The following FRMPD4 variants were observed in gnomAD, a reference collection of about 807,000 sequenced individuals.
FRMPD4 encodes the protein FERM and PDZ domain-containing protein 4.
FRMPD4 carries 22 observed loss-of-function variants against 94.1 expected under a neutral mutation model. The observed-to-expected ratio is 0.23, with a 90% confidence interval of 0.17 to 0.33. The LOEUF (loss-of-function observed/expected upper bound fraction) is 0.33, where lower values mean the gene tolerates loss of function less well. FRMPD4 is among the 10% of genes least tolerant of loss of function. The pLI, the probability that FRMPD4 is intolerant of heterozygous loss-of-function variation, is 1.00. For missense variants in FRMPD4, 1,111 were observed against 1,339.9 expected (o/e 0.83, Z 2.67); for synonymous variants, 631 against 548.6 (o/e 1.15, Z -2.10).
At chrX:12,656,190 A>C (rs2148480595) in intron 4 of FRMPD4, among the ~76,000 whole-genome samples, 1 of 112,143 alleles carries the variant, frequency 8.9e-6, no homozygotes, top group African/African-American at 3.2e-5. Flanking sequence ...TCAGACACTA[A>C]GAAGAGTAAA....
chrX:12,191,642 G>A (rs4830765), intron 1 of FRMPD4, among the ~76,000 whole-genome samples: 21,823 of 106,623 alleles, frequency 0.2, 1,924 homozygotes, highest in East Asian at 0.69. Context: ...GCCAATGTGA[G>A]AAGGCTATAA....
chrX:12,488,680 A>G (rs1320421419), intron 1 of FRMPD4, among the ~76,000 whole-genome samples: 1 of 111,167 alleles, frequency 9.0e-6, no homozygotes, highest in African/African-American at 3.3e-5. Context: ...GTGAAAAAAA[A>G]GTTTTGCACA....
intron 3 of FRMPD4, among the ~76,000 whole-genome samples, chrX:11,986,609 G>T (rs6639117): frequency 0.066 from 7,287 of 110,833 alleles, 262 homozygotes; most frequent in East Asian, 0.24. Context: ...TGAAGAAAAC[G>T]ATATAAAAGA....
intron 3 of FRMPD4, among the ~76,000 whole-genome samples, chrX:11,912,568 A>G (rs1025342747): frequency 6.3e-5 from 7 of 111,717 alleles, no homozygotes; most frequent in Admixed American, 5.7e-4. Context: ...TCAACCTATG[A>G]AGGAAAAAAA....
At chrX:12,635,569 T>A (rs1419752330) in intron 4 of FRMPD4, among the ~76,000 whole-genome samples, 1 of 111,153 alleles carries the variant, frequency 9.0e-6, no homozygotes, top group Non-Finnish European at 1.9e-5. Flanking sequence ...TCTAAATGAA[T>A]CACTGCTACC....
chrX:12,377,344 G>A (rs1387620962), intron 1 of FRMPD4, among the ~76,000 whole-genome samples: 1 of 112,298 alleles, frequency 8.9e-6, no homozygotes, highest in Admixed American at 9.4e-5. Context: ...CCGGTAACAG[G>A]TAATCAGATG....
At chrX:12,276,597 T>G (rs950089442) in intron 1 of FRMPD4, among the ~76,000 whole-genome samples, 1 of 111,277 alleles carries the variant, frequency 9.0e-6, no homozygotes, top group African/African-American at 3.3e-5. Flanking sequence ...TCAGAGAAAA[T>G]AGATTATAAA....
Position 11,836,167 on chromosome X carries a change from A to G in FRMPD4, c.-161+13452A>G, listed in dbSNP as rs191809981. On this transcript the variant is annotated intron_variant, in intron 1 of 18. Coordinates refer to the FRMPD4 transcript ENST00000640291. ...ATCTTTTCCTCTTGGTGATTGCTGTAATAAGCTATAACCATGAATACAACT... is the reference window on the plus strand; with the variant it reads ...ATCTTTTCCTCTTGGTGATTGCTGTGATAAGCTATAACCATGAATACAACT... Among the ~76,000 whole-genome samples the G allele has an allele frequency of 2.4e-3, 270 of 111,596 alleles. 2 individuals are homozygous for G. Among genetic ancestry groups the G allele is most frequent in the African/African-American group, 8.5e-3 (261 of 30,734 alleles).
At chrX:11,899,751 G>T (rs879025422) in intron 3 of FRMPD4, among the ~76,000 whole-genome samples, 1 of 111,721 alleles carries the variant, frequency 9.0e-6, no homozygotes, top group Non-Finnish European at 1.9e-5. Context: ...CATCAGTCTA[G>T]CATCATACTT....
intron 1 of FRMPD4, among the ~76,000 whole-genome samples, chrX:11,850,654 A>T (rs1354178774): frequency 1.8e-5 from 2 of 112,380 alleles, no homozygotes; most frequent in Non-Finnish European, 3.8e-5. Context: ...ATGATACAAC[A>T]TGGATAAACT....
intron 3 of FRMPD4, among the ~76,000 whole-genome samples, chrX:11,950,224 C>T (rs1220819539): frequency 8.9e-6 from 1 of 112,080 alleles, no homozygotes; most frequent in Non-Finnish European, 1.9e-5. Context: ...AAGGTGCCTG[C>T]TTCTCCTTTG....
intron 1 of FRMPD4, among the ~76,000 whole-genome samples, chrX:11,856,685 T>C (rs972981539): frequency 5.4e-5 from 6 of 111,962 alleles, no homozygotes; most frequent in Non-Finnish European, 1.1e-4. Context: ...CTATTCAGCA[T>C]AGTATTGAAA....
chrX:12,326,030 A>G (rs1375222228), intron 1 of FRMPD4, among the ~76,000 whole-genome samples: 1 of 112,037 alleles, frequency 8.9e-6, no homozygotes, highest in Admixed American at 9.4e-5. Flanking sequence ...GTCTTCTCAG[A>G]TGGTCTGTTT....
chrX:12,627,698 C>G (rs897020668), intron 4 of FRMPD4, among the ~76,000 whole-genome samples: 1 of 112,146 alleles, frequency 8.9e-6, no homozygotes, highest in Non-Finnish European at 1.9e-5. Context: ...GACCATGTCC[C>G]ACTTACTTAT....
chrX:12,181,391 A>C (rs1330137214), intron 1 of FRMPD4, among the ~76,000 whole-genome samples: 2 of 112,418 alleles, frequency 1.8e-5, no homozygotes, highest in Non-Finnish European at 3.8e-5. Flanking sequence ...AGGGTTTTAG[A>C]AAAAAGATGG....
intron 2 of FRMPD4, among the ~76,000 whole-genome samples, chrX:12,607,105 C>T (rs1167948498): frequency 2.7e-5 from 3 of 111,287 alleles, no homozygotes; most frequent in African/African-American, 9.8e-5. Context: ...TTAGTGCCTC[C>T]CAGCCTGGGG....
chrX:11,869,642 T>A (rs1470541241), intron 2 of FRMPD4, among the ~76,000 whole-genome samples: 1 of 111,696 alleles, frequency 9.0e-6, no homozygotes, highest in Non-Finnish European at 1.9e-5. Flanking sequence ...AAATATAACA[T>A]TAAAATCACG....
chrX:11,989,967 C>T (rs1274036184), intron 3 of FRMPD4, among the ~76,000 whole-genome samples: 5 of 110,919 alleles, frequency 4.5e-5, no homozygotes, highest in African/African-American at 9.8e-5. Context: ...GGTATGTACC[C>T]GAAAAAACTA....
chrX:12,481,049 T>C (rs951855816), intron 1 of FRMPD4, among the ~76,000 whole-genome samples: 4 of 111,436 alleles, frequency 3.6e-5, no homozygotes, highest in Non-Finnish European at 7.5e-5. Flanking sequence ...ACCCAATACC[T>C]TTGGGCCAGC....
Sources: gnomAD v4.1 joint callset for allele counts (sites outside exome capture counted in the v4.1 genomes callset) on GRCh38, gnomAD v4.1.1 for gene constraint, MANE v1.5 for transcripts, NCBI Gene and HGNC (gene_info 2026-07-23, HGNC 2026-07-21) for gene names.